SEPSECS: variants seen among roughly 807,000 people sequenced by gnomAD.
The protein encoded by SEPSECS is Sep (O-phosphoserine) tRNA:Sec (selenocysteine) tRNA synthase.
A neutral mutation model predicts 52.1 loss-of-function variants in SEPSECS; 42 were observed. That is an observed-to-expected ratio of 0.81 (90% confidence interval 0.63 to 1.04). The LOEUF (loss-of-function observed/expected upper bound fraction) is 1.04. Among genes scored for constraint, SEPSECS ranks in the 50% least tolerant of loss-of-function variants. The probability of loss-of-function intolerance (pLI) is 0.00; values close to 1 mark genes in which losing one functional copy is unlikely to be tolerated. For missense variants in SEPSECS, 590 were observed against 610.6 expected (o/e 0.97, Z 0.36); for synonymous variants, 216 against 211.4 (o/e 1.02, Z -0.19).
chr4:25,146,181 C>A (rs1698694504), intron 6 of SEPSECS, among the ~76,000 whole-genome samples: 1 of 152,174 alleles, frequency 6.6e-6, no homozygotes, highest in Non-Finnish European at 1.5e-5. Context: ...TCTGTATTCA[C>A]AATCTGTATT....
At position 25,150,964 on chromosome 4, in the gene SEPSECS, G is replaced by A. The variant is rs1462511958; in HGVS notation, c.804+996C>T. On this transcript the variant is annotated intron_variant, in intron 6 of 10. Coordinates refer to ENST00000382103, the MANE Select transcript of SEPSECS (RefSeq NM_016955.4). ...TGAGGCTGCAGTGAACTCCAACCTG[G>A]ACAACAGAGTGAGACCCTATCTCAA... Among the ~76,000 whole-genome samples the A allele has an allele frequency of 2.6e-5, 4 of 152,084 alleles. No individual in the cohort carries two copies. The East Asian group carries it at 7.7e-4, about 29-fold the overall frequency.
chr4:25,154,907 G>A (rs1381332650), intron 5 of SEPSECS, 91 bp downstream of exon 5: 10 of 1,298,570 alleles, frequency 7.7e-6, no homozygotes, highest in Admixed American at 1.7e-5. Flanking sequence ...CCTATTTATT[G>A]TGAAGTGTTA....
intron 4 of SEPSECS, among the ~76,000 whole-genome samples, chr4:25,155,433 A>G (rs900098553): frequency 6.6e-6 from 1 of 152,250 alleles, no homozygotes; most frequent in Non-Finnish European, 1.5e-5. Flanking sequence ...TGTTAAATAG[A>G]TATCTATAGA....
chr4:25,149,895 C>T (rs1430578367), intron 6 of SEPSECS, among the ~76,000 whole-genome samples: 1 of 152,140 alleles, frequency 6.6e-6, no homozygotes, highest in East Asian at 1.9e-4. Flanking sequence ...AAATGGTAAA[C>T]AGTCTTTCTC....
intron 6 of SEPSECS, 75 bp from the exon 7 acceptor site, chr4:25,145,208 A>T (rs1711888248): frequency 7.0e-7 from 1 of 1,438,422 alleles, no homozygotes; most frequent in East Asian, 2.3e-5. Flanking sequence ...ATACCACAAC[A>T]AAAAATTATA....
At chr4:25,138,780 C>G (rs1728945081) in intron 8 of SEPSECS, among the ~76,000 whole-genome samples, 1 of 152,146 alleles carries the variant, frequency 6.6e-6, no homozygotes, top group Admixed American at 6.5e-5. Context: ...CAAGGGCTAT[C>G]AAACATGAAT....
At chr4:25,156,762 T>A in intron 3 of SEPSECS, 94 bp downstream of exon 3, 3 of 559,310 alleles carry the variant, frequency 5.4e-6, no homozygotes, top group Admixed American at 2.1e-5. Flanking sequence ...CCACTCATAC[T>A]CTTTTTGGAA....
intron 3 of SEPSECS, among the ~76,000 whole-genome samples, chr4:25,156,480 G>T (rs545934772): frequency 6.6e-6 from 1 of 151,620 alleles, no homozygotes; most frequent in Admixed American, 6.6e-5. Context: ...CAAGGCGGGC[G>T]GATCACGAGG....
chr4:25,155,933 A>G (rs1712597064), intron 4 of SEPSECS, 104 bp downstream of exon 4: 1 of 1,106,104 alleles, frequency 9.0e-7, no homozygotes, highest in Admixed American at 2.1e-5. Flanking sequence ...TAAAAAAGCA[A>G]TAGGGAAGAG....
intron 8 of SEPSECS, among the ~76,000 whole-genome samples, chr4:25,131,263 T>C (rs1184718809): frequency 6.6e-6 from 1 of 152,232 alleles, no homozygotes; most frequent in Non-Finnish European, 1.5e-5. Context: ...AACGGTCTTA[T>C]GTAATCACAC....
chr4:25,147,971 C>G (rs1023324858), intron 6 of SEPSECS, among the ~76,000 whole-genome samples: 2 of 152,138 alleles, frequency 1.3e-5, no homozygotes, highest in Non-Finnish European at 2.9e-5. Context: ...AGGGAAGTCA[C>G]TTAATCCCAC....
intron 8 of SEPSECS, among the ~76,000 whole-genome samples, chr4:25,133,432 A>G (rs139779063): frequency 6.6e-6 from 1 of 152,326 alleles, no homozygotes; most frequent in Non-Finnish European, 1.5e-5. Context: ...TGCCTGCTGG[A>G]TTCATTTACT....
Position 25,148,466 on chromosome 4 carries a change from A to C in SEPSECS, c.805-3333T>G, listed in dbSNP as rs190930200. 2.7e-3 allele frequency among the ~76,000 whole-genome samples: 410 copies of C among 152,228 alleles called. 6 individuals are homozygous for C. The highest frequency in any genetic ancestry group is 0.022 in the Admixed American group (335 of 15,284). Reference sequence around the variant, plus strand: ...ATTGAGATGAATTAAGGCTAACTTTAATTTTTTAGAATGTCATGAAACAGC... The same window carrying C: ...ATTGAGATGAATTAAGGCTAACTTTCATTTTTTAGAATGTCATGAAACAGC... On this transcript the variant is annotated intron_variant, in intron 6 of 10. Coordinates refer to ENST00000382103, the MANE Select transcript of SEPSECS (RefSeq NM_016955.4).
intron 10 of SEPSECS, among the ~76,000 whole-genome samples, chr4:25,125,032 G>C (rs1728304832): frequency 6.6e-6 from 1 of 151,934 alleles, no homozygotes; most frequent in Non-Finnish European, 1.5e-5. Flanking sequence ...AGTTCATCAA[G>C]GTAAAAAGTA....
At chr4:25,140,525 A>G (rs1416468829) in intron 8 of SEPSECS, among the ~76,000 whole-genome samples, 1 of 152,200 alleles carries the variant, frequency 6.6e-6, no homozygotes, top group Non-Finnish European at 1.5e-5. Flanking sequence ...TTCACCTCAT[A>G]CATGTTACTT....
rs367555067 is a variant in SEPSECS at position 25,121,240 on chromosome 4, G to C, written c.*2691C>G. On this transcript the variant is annotated 3_prime_UTR_variant, in exon 11 of 11. Coordinates refer to ENST00000382103, the MANE Select transcript of SEPSECS (RefSeq NM_016955.4). Reference sequence around the variant, plus strand: ...GCAGAGGACCTAAGAACCAAACTGCGAGTTTGATTTAAAATTCCCTTCCCT... The same window carrying C: ...GCAGAGGACCTAAGAACCAAACTGCCAGTTTGATTTAAAATTCCCTTCCCT... 6.6e-6 allele frequency: 1 copy of C among 152,092 alleles called. No individual in the cohort carries two copies. Among genetic ancestry groups the C allele is most frequent in the Admixed American group, 6.6e-5 (1 of 15,258 alleles). The allele number at this position is 152,092 out of a possible 1,614,324, so 9.4% of individuals were successfully genotyped here. A position where few individuals can be genotyped will look rare whatever the true frequency, so the allele number is the denominator to read the frequency against.
At chr4:25,129,678 G>C (rs1728533592) in intron 8 of SEPSECS, among the ~76,000 whole-genome samples, 1 of 151,820 alleles carries the variant, frequency 6.6e-6, no homozygotes. Context: ...CCTGGCCCTG[G>C]TCCCTCTTTC....
At chr4:25,146,986 C>A (rs1350682875) in intron 6 of SEPSECS, among the ~76,000 whole-genome samples, 3 of 152,180 alleles carry the variant, frequency 2.0e-5, no homozygotes, top group African/African-American at 7.2e-5. Context: ...AAAACAAAAT[C>A]CCAAACCCTT....
intron 9 of SEPSECS, among the ~76,000 whole-genome samples, chr4:25,125,986 C>T (rs749555272): frequency 2.6e-5 from 4 of 151,978 alleles, no homozygotes; most frequent in South Asian, 2.1e-4. Flanking sequence ...TCTCCAAATA[C>T]GAAACAGAAT....
Sources: gnomAD v4.1 joint callset for allele counts (sites outside exome capture counted in the v4.1 genomes callset) on GRCh38, gnomAD v4.1.1 for gene constraint, MANE v1.5 for transcripts, NCBI Gene and HGNC (gene_info 2026-07-23, HGNC 2026-07-21) for gene names.